Variants in C1orf87 observed in about 807,000 individuals in gnomAD.
The protein encoded by C1orf87 is uncharacterized protein C1orf87.
C1orf87 carries 58 observed loss-of-function variants against 60.5 expected under a neutral mutation model. The observed-to-expected ratio is 0.96, with a 90% CI of 0.78 to 1.19. The LOEUF is 1.19. C1orf87 is among the 50% of genes most tolerant of loss of function. The pLI, the probability that C1orf87 is intolerant of heterozygous loss-of-function variation, is 0.00. For missense variants in C1orf87, 673 were observed against 638.6 expected, an observed-to-expected ratio of 1.05 and a Z score of -0.58; for synonymous variants, 236 against 227.4, an observed-to-expected ratio of 1.04 and a Z score of -0.34.
chr1:60,067,789 T>TCTTTGC (rs1276812704), intron 2 of C1orf87, among the ~76,000 whole-genome samples: 4 of 152,102 alleles, frequency 2.6e-5, no homozygotes, highest in Non-Finnish European at 4.4e-5. Flanking sequence ...AGTCATGAAG[T>TCTTTGC]CTTTGCCTAT....
intron 7 of C1orf87, among the ~76,000 whole-genome samples, chr1:60,026,238 A>T (rs1161180697): frequency 6.6e-6 from 1 of 152,184 alleles, no homozygotes. Flanking sequence ...AACCAAACAG[A>T]CCTTATCTGA....
intron 9 of C1orf87, among the ~76,000 whole-genome samples, chr1:60,001,489 G>A (rs1330886981): frequency 6.6e-6 from 1 of 152,136 alleles, no homozygotes; most frequent in Non-Finnish European, 1.5e-5. Context: ...TGGGGGTTTC[G>A]GAGGAAGTGA....
At chr1:60,043,394 T>A (rs1645340930) in intron 3 of C1orf87, among the ~76,000 whole-genome samples, 1 of 152,132 alleles carries the variant, frequency 6.6e-6, no homozygotes, top group Admixed American at 6.5e-5. Context: ...TTCACTCTTT[T>A]TTTTTTGAGA....
chr1:60,050,106 C>G (rs896531652), intron 3 of C1orf87, among the ~76,000 whole-genome samples: 1 of 151,986 alleles, frequency 6.6e-6, no homozygotes, highest in Admixed American at 6.6e-5. Context: ...GTTTGTTATT[C>G]CAAATTAACT....
In C1orf87 at chr1:60,072,564, A is replaced by G; in HGVS notation, c.80T>C (p.Phe27Ser). ...IMVKIIGSKH[F>S]QYLVEKPKIK... The stretch of plus-strand genomic sequence containing the variant: ...CTTTGGCTTCTCCACGAGGTATTGA[A>G]AGTGTTTACTTCCAATGATTTTCAC... Residue 27 changes from phenylalanine (F) to serine (S), a missense_variant, in exon 2 of 12, where the codon TTT (phenylalanine) becomes TCT (serine). Transcript: ENST00000371201. 6.2e-7 allele frequency: 1 copy of G among 1,612,632 alleles called. No homozygotes were observed. Among genetic ancestry groups the G allele is most frequent in the Non-Finnish European group, 8.5e-7 (1 of 1,179,758 alleles).
At chr1:60,023,476 A>G (rs930768640) in intron 8 of C1orf87, among the ~76,000 whole-genome samples, 1 of 152,136 alleles carries the variant, frequency 6.6e-6, no homozygotes, top group African/African-American at 2.4e-5. Flanking sequence ...CGTTGCTTCC[A>G]TAACAAACAG....
chr1:60,030,522 A>G (rs1308360666), intron 7 of C1orf87, among the ~76,000 whole-genome samples: 1 of 152,362 alleles, frequency 6.6e-6, no homozygotes, highest in East Asian at 1.9e-4. Flanking sequence ...AATGAAGCAA[A>G]GAGTAATTAA....
At position 60,033,484 on chromosome 1, in the gene C1orf87, G is replaced by T. The variant is rs1236118080; in HGVS notation, c.1021C>A (p.Leu341Ile). 6.2e-7 allele frequency: 1 copy of T among 1,613,596 alleles called. No homozygotes were observed. The highest frequency in any genetic ancestry group is 1.7e-5 in the Admixed American group (1 of 59,998). ...AATTGAATTTTGGTTACCTTAGGTAGAGGGAGGCAGCCAGAGAACGAGCGA... is the reference window on the plus strand; with the variant it reads ...AATTGAATTTTGGTTACCTTAGGTATAGGGAGGCAGCCAGAGAACGAGCGA... ...EDRSFSGCLP[L>I]PKVRAICGKH... Residue 341 changes from leucine (L) to isoleucine (I), a missense_variant, in exon 7 of 12, where the codon CTA (leucine) becomes ATA (isoleucine). Leu to Ile is a conservative substitution (Grantham distance 5, BLOSUM62 2). Coordinates refer to ENST00000371201, the MANE Select transcript of C1orf87 (RefSeq NM_152377.3).
At chr1:60,064,839 ATTATATAT>A (rs1387463664) in intron 2 of C1orf87, among the ~76,000 whole-genome samples, 4 of 92,484 alleles carry the variant, frequency 4.3e-5, no homozygotes, top group Non-Finnish European at 7.6e-5. Flanking sequence ...TAAATATATA[ATTATATAT>A]TTATATATTT....
intron 9 of C1orf87, among the ~76,000 whole-genome samples, chr1:60,005,644 T>C (rs1266093371): frequency 6.6e-6 from 1 of 151,946 alleles, no homozygotes; most frequent in South Asian, 2.1e-4. Flanking sequence ...GCAGGAGTGA[T>C]TGGTGCATCA....
chr1:60,021,040 C>A lies in C1orf87; in HGVS notation c.1127+4361G>T, dbSNP rs147482491. Among the ~76,000 whole-genome samples, 42 of 152,240 alleles carry A rather than the reference C, an allele frequency of 2.8e-4. No individual in the cohort carries two copies. In the South Asian group the frequency reaches 3.9e-3, roughly 14 times the overall value. On this transcript the variant is annotated intron_variant, in intron 8 of 11. Coordinates refer to ENST00000371201, the MANE Select transcript of C1orf87 (RefSeq NM_152377.3). ...TGGTTTAAAACTGTGGCACTTCCCC[C>A]CTCACTGTCTCTCTCTCTCTCCTGC... is the stretch of plus-strand genomic sequence containing the variant.
chr1:60,063,446 A>G (rs1174775046), intron 2 of C1orf87, among the ~76,000 whole-genome samples: 1 of 152,122 alleles, frequency 6.6e-6, no homozygotes, highest in East Asian at 1.9e-4. Flanking sequence ...CCTTTAGAAA[A>G]CATAAATACA....
chr1:60,027,209 CT>C (rs1487073715), intron 7 of C1orf87, among the ~76,000 whole-genome samples: 7 of 152,162 alleles, frequency 4.6e-5, no homozygotes, highest in Non-Finnish European at 8.8e-5. Context: ...TGAAGTCTGC[CT>C]TTTATCAGCT....
Position 59,997,761 on chromosome 1 carries a change from C to T in C1orf87, c.1328G>A (p.Cys443Tyr), listed in dbSNP as rs750577478. The T allele has an allele frequency of 6.2e-7, 1 of 1,613,874 alleles. No individual in the cohort carries two copies. The highest frequency in any genetic ancestry group is 8.5e-7 in the Non-Finnish European group (1 of 1,179,892). The part of the protein sequence containing the change: ...PESSPAETSA[C>Y]KDPLKPLKIR... ...CTTTAAAGGTTTCAGAGGATCTTTG[C>T]AGGCTGAAGTTTCAGCAGGAGAGCT... Residue 443 changes from cysteine (C) to tyrosine (Y), a missense_variant, in exon 11 of 12, where the codon TGC becomes TAC. Coordinates refer to ENST00000371201, the MANE Select transcript of C1orf87 (RefSeq NM_152377.3).
chr1:60,012,092 C>T (rs1056932738), intron 8 of C1orf87, among the ~76,000 whole-genome samples: 2 of 151,878 alleles, frequency 1.3e-5, no homozygotes, highest in African/African-American at 4.8e-5. Context: ...GGAAGCATCT[C>T]CTGTCTTCTA....
intron 5 of C1orf87, 67 bp from the exon 6 acceptor site, chr1:60,038,174 A>T (rs2100293370): frequency 1.0e-6 from 1 of 987,162 alleles, no homozygotes; most frequent in Non-Finnish European, 1.4e-6. Flanking sequence ...GCCTGTTGAG[A>T]TAAAATGTAT....
intron 9 of C1orf87, among the ~76,000 whole-genome samples, chr1:60,002,373 T>C (rs1311042102): frequency 6.6e-6 from 1 of 152,130 alleles, no homozygotes; most frequent in Non-Finnish European, 1.5e-5. Flanking sequence ...AAGGATTAAA[T>C]GGACTAGAAA....
intron 8 of C1orf87, among the ~76,000 whole-genome samples, chr1:60,014,657 A>C (rs1645113009): frequency 1.3e-5 from 2 of 152,136 alleles, no homozygotes; most frequent in Admixed American, 1.3e-4. Flanking sequence ...GAGGGTTATG[A>C]AGGCTTAAGT....
intron 3 of C1orf87, among the ~76,000 whole-genome samples, chr1:60,054,350 T>C (rs1441772165): frequency 6.6e-6 from 1 of 152,236 alleles, no homozygotes. Context: ...ATGGTTCTTA[T>C]GAGCAGAAGA....
Sources: gnomAD v4.1 joint callset for allele counts (sites outside exome capture counted in the v4.1 genomes callset) on GRCh38, gnomAD v4.1.1 for gene constraint, MANE v1.5 for transcripts, NCBI Gene and HGNC (gene_info 2026-07-23, HGNC 2026-07-21) for gene names.